Variants in ZNF106 observed in about 807,000 individuals in gnomAD.
The protein encoded by ZNF106 is SH3-domain binding protein 3.
In ZNF106, 67 loss-of-function variants were observed where a neutral mutation model predicts 195.1. The ratio of observed to expected loss-of-function variants is 0.34; its 90% confidence interval spans 0.28 to 0.42. The LOEUF is 0.42. ZNF106 is among the 10% of genes least tolerant of loss of function. The probability of loss-of-function intolerance (pLI) is 1.00; values close to 1 mark genes in which losing one functional copy is unlikely to be tolerated. For missense variants in ZNF106, 2,118 were observed against 2,304.5 expected (o/e 0.92, Z 1.66); for synonymous variants, 784 against 818.6 (o/e 0.96, Z 0.72).
chr15:42,427,754 G>T, intron 15 of ZNF106: 1 of 308,044 alleles, frequency 3.2e-6, no homozygotes, highest in Non-Finnish European at 6.3e-6. Context: ...TTTAATACAT[G>T]ACTCATTATT....
At chr15:42,489,093 A>AAC (rs368303436) in intron 1 of ZNF106, among the ~76,000 whole-genome samples, 29,452 of 142,244 alleles carry the variant, frequency 0.21, 3,234 homozygotes, top group Non-Finnish European at 0.26. Flanking sequence ...AAAAAAAAAC[A>AAC]ACACACACAC....
chr15:42,434,224 C>T (rs116684918), intron 14 of ZNF106, among the ~76,000 whole-genome samples: 3,251 of 152,194 alleles, frequency 0.021, 119 homozygotes, highest in African/African-American at 0.075. Flanking sequence ...TGGTGGCTCA[C>T]GCCTGTAATC....
intron 2 of ZNF106, among the ~76,000 whole-genome samples, chr15:42,470,153 A>C (rs183426208): frequency 6.6e-6 from 1 of 152,268 alleles, no homozygotes; most frequent in East Asian, 1.9e-4. Flanking sequence ...CTCCATCTCT[A>C]TTATACACAT....
In ZNF106 at chr15:42,472,330, AG is replaced by A; in HGVS notation, c.-32-10del. ...AGCACTCAACGTCACAGCTGCAATG[AG>A]GAAGTAACATTTAGTAACCTTTTCT... On this transcript the variant is annotated splice_polypyrimidine_tract_variant and intron_variant, in intron 1 of 21. Transcript: ENST00000564754. The A allele has an allele frequency of 6.6e-7, 1 of 1,524,528 alleles. No homozygotes were observed. The highest frequency in any genetic ancestry group is 8.8e-7 in the Non-Finnish European group (1 of 1,140,240). The allele number at this position is 1,524,528 out of a possible 1,614,324, so 94.4% of individuals were successfully genotyped here. A position where few individuals can be genotyped will look rare whatever the true frequency, so the allele number is the denominator to read the frequency against.
intron 6 of ZNF106, among the ~76,000 whole-genome samples, chr15:42,447,500 G>A (rs953043694): frequency 1.3e-5 from 2 of 152,074 alleles, no homozygotes; most frequent in East Asian, 1.9e-4. Flanking sequence ...CAATATTAGC[G>A]GCAGAAATGC....
In ZNF106 at chr15:42,416,403, G is replaced by C. The variant is rs2054461797; in HGVS notation, c.*901C>G. Reference sequence around the variant, plus strand: ...GTCTAGGCACGGCCATACAGTGGGAGAGATGGAGGCTGGCAACTGAACAAA... The same window carrying C: ...GTCTAGGCACGGCCATACAGTGGGACAGATGGAGGCTGGCAACTGAACAAA... On this transcript the variant is annotated 3_prime_UTR_variant, in exon 22 of 22. Transcript: ENST00000564754. 1 of 152,302 alleles carries C rather than the reference G, an allele frequency of 6.6e-6. No homozygotes were observed. The highest frequency in any genetic ancestry group is 1.5e-5 in the Non-Finnish European group (1 of 68,118). The allele number at this position is 152,302 out of a possible 1,614,324, so 9.4% of individuals were successfully genotyped here.
At chr15:42,468,161 T>C (rs945988446) in intron 2 of ZNF106, among the ~76,000 whole-genome samples, 1 of 144,060 alleles carries the variant, frequency 6.9e-6, no homozygotes, top group Non-Finnish European at 1.5e-5. Flanking sequence ...CGACAACCTC[T>C]GCCTCCAGGG....
intron 16 of ZNF106, 165 bp from the exon 17 acceptor site, chr15:42,424,225 C>A (rs990522069): frequency 2.4e-5 from 14 of 590,494 alleles, no homozygotes; most frequent in Non-Finnish European, 3.0e-5. Flanking sequence ...GAAACTTACA[C>A]CCCCCTACCA....
At chr15:42,473,849 G>A (rs1406254029) in intron 1 of ZNF106, among the ~76,000 whole-genome samples, 1 of 152,192 alleles carries the variant, frequency 6.6e-6, no homozygotes, top group Non-Finnish European at 1.5e-5. Context: ...AATAAAATGT[G>A]GCAGAAGTGA....
At position 42,489,034 on chromosome 15, in the gene ZNF106, C is replaced by T. The variant is rs191440443; in HGVS notation, c.-33+1946G>A. Reference sequence around the variant, plus strand: ...CGGAGGTTGCAGTGAGCTGGGATTGCGCCACTGCACTCCAGCCTGGGCGAC... The same window carrying T: ...CGGAGGTTGCAGTGAGCTGGGATTGTGCCACTGCACTCCAGCCTGGGCGAC... On this transcript the variant is annotated intron_variant, in intron 1 of 21. Coordinates refer to ENST00000564754, the MANE Select transcript of ZNF106 (RefSeq NM_001366845.3). Among the ~76,000 whole-genome samples, 1,233 of 145,434 alleles carry T rather than the reference C, an allele frequency of 8.5e-3. 2 individuals are homozygous for T. The highest frequency in any genetic ancestry group is 0.013 in the African/African-American group (513 of 39,634).
chr15:42,439,903 A>C (rs2055438000), intron 10 of ZNF106, 90 bp from the exon 11 acceptor site: 1 of 1,330,296 alleles, frequency 7.5e-7, no homozygotes, highest in Non-Finnish European at 1.0e-6. Context: ...TTTCAATGAT[A>C]TGTTCAGAAA....
chr15:42,442,162 T>G lies in ZNF106; in HGVS notation c.3674A>C (p.Glu1225Ala), dbSNP rs1257024427. The G allele has an allele frequency of 6.2e-7, 1 of 1,614,184 alleles. No homozygotes were observed. Among genetic ancestry groups the G allele is most frequent in the Non-Finnish European group, 8.5e-7 (1 of 1,180,032 alleles). The change falls in exon 10 of 22, where the codon GAG (glutamate) becomes GCG (alanine). Residue 1225 changes from glutamate to alanine, a missense_variant. Glu to Ala is a moderately radical substitution (Grantham distance 107, BLOSUM62 -1). Transcript: ENST00000564754. ...APDSSVQIKQ[E>A]PMSPEQDENV... ...CTCATCTTGTTCAGGAGACATGGGC[T>G]CTTGTTTAATCTGAACTGATGAGTC...
intron 1 of ZNF106, among the ~76,000 whole-genome samples, chr15:42,477,253 C>T (rs1167816804): frequency 1.3e-5 from 2 of 152,106 alleles, no homozygotes; most frequent in African/African-American, 4.8e-5. Context: ...TAAGGTAGAA[C>T]TTGAGGTCAA....
Position 42,422,615 on chromosome 15 carries a change from A to G in ZNF106, c.5259T>C (p.Gly1753=), listed in dbSNP as rs897485097. 1.9e-6 allele frequency: 3 copies of G among 1,609,940 alleles called. No homozygotes were observed. Among genetic ancestry groups the G allele is most frequent in the Non-Finnish European group, 2.5e-6 (3 of 1,178,966 alleles). Residue 1753 remains glycine (G), a synonymous_variant, in exon 18 of 22, where the codon GGT becomes GGC. Transcript: ENST00000564754. Reference sequence around the variant, plus strand: ...GACCTTTATAGATCCGCACGAGCTCACCAGTCTATGTCAGAAGAGAAGTAA... The same window carrying G: ...GACCTTTATAGATCCGCACGAGCTCGCCAGTCTATGTCAGAAGAGAAGTAA... The part of the protein sequence containing the change: ...QSVHAHNIHT[G]ELVRIYKGHN...
chr15:42,455,817 G>A (rs1233827622), intron 4 of ZNF106, among the ~76,000 whole-genome samples: 1 of 152,164 alleles, frequency 6.6e-6, no homozygotes, highest in Non-Finnish European at 1.5e-5. Flanking sequence ...AATCTGAAAT[G>A]ATTCTCTTCA....
chr15:42,489,996 G>A (rs1416767348), intron 1 of ZNF106, among the ~76,000 whole-genome samples: 1 of 152,000 alleles, frequency 6.6e-6, no homozygotes, highest in African/African-American at 2.4e-5. Flanking sequence ...CCAAGATCCC[G>A]CCACTGCACT....
At chr15:42,472,783 G>A (rs1034314520) in intron 1 of ZNF106, among the ~76,000 whole-genome samples, 11 of 152,044 alleles carry the variant, frequency 7.2e-5, no homozygotes, top group Non-Finnish European at 4.4e-5. Flanking sequence ...AGGCCGACGC[G>A]GGCAGATCAC....
At chr15:42,472,093 G>A (rs1451138463) in intron 2 of ZNF106, 143 bp downstream of exon 2, 4 of 808,268 alleles carry the variant, frequency 4.9e-6, no homozygotes, top group Non-Finnish European at 7.1e-6. Flanking sequence ...TATGGTTTAG[G>A]AAAGAAAAGA....
intron 3 of ZNF106, among the ~76,000 whole-genome samples, chr15:42,458,973 T>C (rs1318520391): frequency 6.6e-6 from 1 of 151,986 alleles, no homozygotes; most frequent in African/African-American, 2.4e-5. Context: ...TCAGAAAAAC[T>C]GAGAAAATTT....
Sources: allele counts gnomAD v4.1 joint callset (sites outside exome capture counted in the v4.1 genomes callset), GRCh38; gene constraint gnomAD v4.1.1; transcripts MANE v1.5; gene names NCBI Gene and HGNC (gene_info 2026-07-23, HGNC 2026-07-21).